The following ADCY8 variants were observed in gnomAD, a reference collection of about 807,000 sequenced individuals.
ADCY8 encodes adenylate cyclase 8, also known as adenylate cyclase type 8.
In ADCY8, 51 loss-of-function variants were observed where a neutral mutation model predicts 119.7. That is an observed-to-expected ratio of 0.43 (90% CI 0.34 to 0.54). ADCY8 has a LOEUF of 0.54. Ranked by LOEUF, ADCY8 falls within the 20% of genes least tolerant of loss-of-function variation. The pLI, the probability that ADCY8 is intolerant of heterozygous loss-of-function variation, is 0.03. For synonymous variants in ADCY8, 665 were observed against 651.0 expected, an observed-to-expected ratio of 1.02 and a Z score of -0.33; for missense variants, 1,383 against 1,598.8, an observed-to-expected ratio of 0.87 and a Z score of 2.30.
chr8:130,935,536 C>G (rs1820757936), intron 5 of ADCY8: 6 of 152,286 alleles, frequency 3.9e-5, no homozygotes, highest in Admixed American at 3.9e-4. Flanking sequence ...TGTGCCTGGT[C>G]TGGTGAGTTC....
At chr8:130,857,098 G>C (rs1168778803) in intron 9 of ADCY8, among the ~76,000 whole-genome samples, 2 of 146,810 alleles carry the variant, frequency 1.4e-5, no homozygotes, top group Admixed American at 6.8e-5. Flanking sequence ...TTTGTGGGGT[G>C]GGGGAGGGGG....
At chr8:130,969,241 C>T (rs1434834736) in intron 2 of ADCY8, among the ~76,000 whole-genome samples, 1 of 152,012 alleles carries the variant, frequency 6.6e-6, no homozygotes, top group Non-Finnish European at 1.5e-5. Flanking sequence ...AAAAAGCTGA[C>T]CTCTCCCAAG....
intron 7 of ADCY8, among the ~76,000 whole-genome samples, chr8:130,893,798 G>A (rs1819285232): frequency 6.7e-6 from 1 of 150,144 alleles, no homozygotes; most frequent in Admixed American, 6.6e-5. Context: ...GCATGTTTGT[G>A]TGTGTGCATG....
intron 5 of ADCY8, among the ~76,000 whole-genome samples, chr8:130,936,159 A>G (rs1426075498): frequency 6.6e-6 from 1 of 150,604 alleles, no homozygotes; most frequent in East Asian, 2.0e-4. Flanking sequence ...TGGCTTTGTG[A>G]GGACGTGACA....
chr8:130,876,414 A>G (rs1208433444), intron 8 of ADCY8, among the ~76,000 whole-genome samples: 3 of 152,016 alleles, frequency 2.0e-5, no homozygotes, highest in African/African-American at 7.2e-5. Flanking sequence ...TTGTCACAAA[A>G]CTACCTCCTT....
intron 3 of ADCY8, among the ~76,000 whole-genome samples, chr8:130,951,647 G>GT (rs1224626385): frequency 2.6e-5 from 4 of 152,176 alleles, no homozygotes; most frequent in Admixed American, 1.3e-4. Context: ...GAGCTAGGCA[G>GT]TAAGTCAACC....
intron 5 of ADCY8, among the ~76,000 whole-genome samples, chr8:130,911,138 C>T (rs1326086315): frequency 6.6e-6 from 1 of 152,034 alleles, no homozygotes; most frequent in East Asian, 1.9e-4. Context: ...TTTATTTCTT[C>T]CAACTCAAGA....
At position 130,783,755 on chromosome 8, in the gene ADCY8, G is replaced by C; in HGVS notation, c.3204C>G (p.Leu1068=). 4 of 1,613,888 alleles carry C rather than the reference G, an allele frequency of 2.5e-6. No homozygotes were observed. The highest frequency in any genetic ancestry group is 3.4e-6 in the Non-Finnish European group (4 of 1,179,868). Residue 1068 remains leucine (L), a synonymous_variant, in exon 17 of 18, where the codon CTC becomes CTG. Coordinates refer to ENST00000286355, the MANE Select transcript of ADCY8 (RefSeq NM_001115.3). ...TCTCCTGTATGCTTTCTGTCAGGGCGAGTGAGAAGTCAGCCAGAGCACACA... is the reference window on the plus strand; with the variant it reads ...TCTCCTGTATGCTTTCTGTCAGGGCCAGTGAGAAGTCAGCCAGAGCACACA... ...GHLCALADFS[L]ALTESIQEIN...
rs1313305636 is a variant in ADCY8, at chr8:131,039,945, A to G, written c.389T>C (p.Leu130Pro). Residue 130 changes from leucine to proline, a missense_variant, in exon 1 of 18, where the codon CTG (leucine) becomes CCG (proline). Physicochemically the swap from Leu to Pro is moderately conservative, Grantham distance 98 (BLOSUM62 -3). Coordinates refer to ENST00000286355, the MANE Select transcript of ADCY8 (RefSeq NM_001115.3). ...GTTGCTAGGGGCACAGTCAAGGTGCAGGAAGCCCAGGTCGCCCCCGCCTCC... is the reference window on the plus strand; with the variant it reads ...GTTGCTAGGGGCACAGTCAAGGTGCGGGAAGCCCAGGTCGCCCCCGCCTCC... ...GSGGGGDLGF[L>P]HLDCAPSNSD... 4 of 1,598,300 alleles carry G rather than the reference A, an allele frequency of 2.5e-6. No homozygotes were observed. In the African/African-American group the frequency reaches 5.4e-5, roughly 21 times the overall value.
chr8:130,995,269 AT>A (rs1822738343), intron 1 of ADCY8, among the ~76,000 whole-genome samples: 1 of 152,206 alleles, frequency 6.6e-6, no homozygotes, highest in Admixed American at 6.5e-5. Context: ...GATTGGTCAT[AT>A]TGTAAATCCA....
At chr8:130,921,445 TTTTC>T (rs1820301363) in intron 5 of ADCY8, among the ~76,000 whole-genome samples, 1 of 119,940 alleles carries the variant, frequency 8.3e-6, no homozygotes. Context: ...TTTCTTTTTC[TTTTC>T]TTTTTTTTTT....
At chr8:130,982,539 C>A (rs1822271217) in intron 2 of ADCY8, among the ~76,000 whole-genome samples, 1 of 152,176 alleles carries the variant, frequency 6.6e-6, no homozygotes. Context: ...AAGGAATTAT[C>A]ATTTCTAATT....
intron 11 of ADCY8, among the ~76,000 whole-genome samples, chr8:130,845,500 T>C (rs940427764): frequency 8.5e-5 from 13 of 152,130 alleles, no homozygotes; most frequent in African/African-American, 2.9e-4. Context: ...GGGGGCTTGA[T>C]TGGAAACGAA....
chr8:131,020,871 G>A (rs1340723417), intron 1 of ADCY8, among the ~76,000 whole-genome samples: 1 of 152,112 alleles, frequency 6.6e-6, no homozygotes, highest in Non-Finnish European at 1.5e-5. Context: ...GTCTTCTCCA[G>A]CAATAATTGT....
At chr8:130,904,341 C>A (rs1454998736) in intron 6 of ADCY8, among the ~76,000 whole-genome samples, 1 of 145,992 alleles carries the variant, frequency 6.8e-6, no homozygotes, top group African/African-American at 2.6e-5. Context: ...TCAGCCTGAT[C>A]CCAGCAAACT....
At chr8:130,848,876 A>G (rs577916196) in intron 10 of ADCY8, among the ~76,000 whole-genome samples, 129 of 152,330 alleles carry the variant, frequency 8.5e-4, no homozygotes, top group African/African-American at 3.0e-3. Context: ...AAACAGTGAT[A>G]AATATCATGG....
rs142256411 is a variant in ADCY8, at chr8:130,869,921, TTCC to T, written c.2110-1978_2110-1976del. Among the ~76,000 whole-genome samples the T allele has an allele frequency of 8.1e-4, 119 of 147,412 alleles. 1 individual carries two copies. The highest frequency in any genetic ancestry group is 2.6e-3 in the African/African-American group (103 of 39,094). On this transcript the variant is annotated intron_variant, in intron 8 of 17. Coordinates refer to ENST00000286355, the MANE Select transcript of ADCY8 (RefSeq NM_001115.3). ...AGTGTAGTTAATCAGTACACTAAAA[TTCC>T]TCCTCCTCCTCCTCCTCTTCTTCTT...
At chr8:131,031,281 A>G (rs891244631) in intron 1 of ADCY8, among the ~76,000 whole-genome samples, 8 of 152,162 alleles carry the variant, frequency 5.3e-5, no homozygotes, top group African/African-American at 1.9e-4. Flanking sequence ...TTTGTTATCA[A>G]ACTTTACCTT....
chr8:131,020,460 T>C (rs765208503), intron 1 of ADCY8, among the ~76,000 whole-genome samples: 1 of 152,156 alleles, frequency 6.6e-6, no homozygotes, highest in East Asian at 1.9e-4. Context: ...GCTTTCTGTC[T>C]TGGGCAACTG....
Sources: allele counts gnomAD v4.1 joint callset (sites outside exome capture counted in the v4.1 genomes callset), GRCh38; gene constraint gnomAD v4.1.1; transcripts MANE v1.5; gene names NCBI Gene and HGNC (gene_info 2026-07-23, HGNC 2026-07-21).